Variants in MYO3B observed in about 807,000 individuals in gnomAD.
MYO3B encodes myosin-IIIb.
MYO3B carries 156 observed loss-of-function variants against 174.6 expected under a neutral mutation model. The observed-to-expected ratio is 0.89, with a 90% CI of 0.78 to 1.02. The LOEUF (loss-of-function observed/expected upper bound fraction) is 1.02. Ranked by LOEUF, MYO3B falls within the 50% of genes least tolerant of loss-of-function variation. The pLI is 0.00. For missense variants in MYO3B, 1,632 were observed against 1,639.4 expected, an observed-to-expected ratio of 1.00 and a Z score of 0.08; for synonymous variants, 563 against 569.1, an observed-to-expected ratio of 0.99 and a Z score of 0.15.
At chr2:170,545,563 A>G (rs548083316) in intron 32 of MYO3B, among the ~76,000 whole-genome samples, 5 of 152,374 alleles carry the variant, frequency 3.3e-5, no homozygotes, top group Admixed American at 2.6e-4. Context: ...GGAAGTAAAA[A>G]TACATTGCAT....
Position 170,249,533 on chromosome 2 carries a change from G to C in MYO3B, c.749+13397G>C, listed in dbSNP as rs1057401129. ...CAGGAGCATCTGAACCAATCCCTTG[G>C]AGTGCAGACAGAAAATATTAGAACT... On this transcript the variant is annotated intron_variant, in intron 7 of 34. Coordinates refer to ENST00000408978, the MANE Select transcript of MYO3B (RefSeq NM_138995.5). Among the ~76,000 whole-genome samples, 3 of 152,164 alleles carry C rather than the reference G, an allele frequency of 2.0e-5. No homozygotes were observed. The East Asian group carries it at 5.8e-4, about 29-fold the overall frequency.
chr2:170,204,570 A>C (rs1291832501), intron 3 of MYO3B, among the ~76,000 whole-genome samples: 1 of 152,234 alleles, frequency 6.6e-6, no homozygotes, highest in Non-Finnish European at 1.5e-5. Context: ...ATCAATATTC[A>C]ATGACGTTTT....
chr2:170,604,057 T>TATA (rs2106348126), intron 32 of MYO3B, among the ~76,000 whole-genome samples: 1 of 152,334 alleles, frequency 6.6e-6, no homozygotes, highest in South Asian at 2.1e-4. Context: ...ATAGCTTAGG[T>TATA]GTCTGATAGA....
intron 1 of MYO3B, among the ~76,000 whole-genome samples, chr2:170,182,305 T>C (rs2092410516): frequency 1.3e-5 from 2 of 152,126 alleles, no homozygotes; most frequent in Non-Finnish European, 2.9e-5. Flanking sequence ...AGGAATGAGG[T>C]AGCAATCTGG....
chr2:170,567,803 A>T (rs1692168457), intron 32 of MYO3B, among the ~76,000 whole-genome samples: 1 of 152,202 alleles, frequency 6.6e-6, no homozygotes. Flanking sequence ...ACAGACCCAA[A>T]TTCTGAAAAG....
chr2:170,648,420 A>G (rs1698543580), intron 32 of MYO3B, among the ~76,000 whole-genome samples: 1 of 151,970 alleles, frequency 6.6e-6, no homozygotes, highest in African/African-American at 2.4e-5. Flanking sequence ...ACTTGAGGTC[A>G]GGAGTTCGAG....
intron 7 of MYO3B, among the ~76,000 whole-genome samples, chr2:170,255,334 C>T (rs2093295325): frequency 7.8e-6 from 1 of 128,280 alleles, no homozygotes; most frequent in African/African-American, 3.7e-5. Context: ...ATCTCTTGTG[C>T]TCCTCCCCCC....
At chr2:170,487,227 C>A (rs759818366) in intron 25 of MYO3B, among the ~76,000 whole-genome samples, 2 of 152,238 alleles carry the variant, frequency 1.3e-5, no homozygotes, top group Admixed American at 6.5e-5. Context: ...TCATCACTAT[C>A]TTGGTTGCTT....
intron 32 of MYO3B, among the ~76,000 whole-genome samples, chr2:170,625,950 T>G (rs1025622604): frequency 2.0e-5 from 3 of 152,208 alleles, no homozygotes; most frequent in Non-Finnish European, 4.4e-5. Flanking sequence ...CTTTTACCTC[T>G]GCTGAGGAGT....
At position 170,363,310 on chromosome 2, in the gene MYO3B, T is replaced by C. The variant is rs11897867; in HGVS notation, c.816-5912T>C. Reference sequence around the variant, plus strand: ...CTCATGCTTTTCTTACCCAGTTTACTAGTATTTTTAGTTTTTGCCTTTTCA... The same window carrying C: ...CTCATGCTTTTCTTACCCAGTTTACCAGTATTTTTAGTTTTTGCCTTTTCA... On this transcript the variant is annotated intron_variant, in intron 8 of 34. Transcript: ENST00000408978. Among the ~76,000 whole-genome samples, 270 of 152,300 alleles carry C rather than the reference T, an allele frequency of 1.8e-3. 3 individuals carry two copies. The highest frequency in any genetic ancestry group is 6.3e-3 in the African/African-American group (263 of 41,564).
chr2:170,488,705 CATT>C (rs1436787681), intron 25 of MYO3B, among the ~76,000 whole-genome samples: 39 of 152,288 alleles, frequency 2.6e-4, no homozygotes, highest in African/African-American at 8.4e-4. Context: ...CAATTAGAAT[CATT>C]ATCAGGCTGG....
At chr2:170,588,660 C>T (rs143590267) in intron 32 of MYO3B, among the ~76,000 whole-genome samples, 2 of 152,276 alleles carry the variant, frequency 1.3e-5, no homozygotes, top group East Asian at 1.9e-4. Flanking sequence ...GGCATTTCTC[C>T]TTCCAAATAT....
intron 32 of MYO3B, among the ~76,000 whole-genome samples, chr2:170,651,411 A>G (rs1277104533): frequency 6.6e-6 from 1 of 152,216 alleles, no homozygotes; most frequent in Non-Finnish European, 1.5e-5. Flanking sequence ...CAGATCAGAA[A>G]GCTGAATGCA....
intron 32 of MYO3B, among the ~76,000 whole-genome samples, chr2:170,586,778 A>T (rs1484468599): frequency 6.6e-6 from 1 of 152,244 alleles, no homozygotes; most frequent in Non-Finnish European, 1.5e-5. Flanking sequence ...TTAATTACTG[A>T]TGGCTGGGAG....
intron 6 of MYO3B, among the ~76,000 whole-genome samples, chr2:170,230,463 G>A (rs987491894): frequency 6.7e-6 from 1 of 148,936 alleles, no homozygotes; most frequent in Non-Finnish European, 1.5e-5. Context: ...TTATAGGCGT[G>A]AGCCACCACA....
At chr2:170,370,022 A>G (rs2094228826) in intron 9 of MYO3B, among the ~76,000 whole-genome samples, 1 of 152,082 alleles carries the variant, frequency 6.6e-6, no homozygotes, top group African/African-American at 2.4e-5. Flanking sequence ...GTTTATTTTC[A>G]GGGGCAAGTG....
At chr2:170,190,411 G>C (rs1384822179) in intron 1 of MYO3B, among the ~76,000 whole-genome samples, 3 of 152,156 alleles carry the variant, frequency 2.0e-5, no homozygotes, top group African/African-American at 7.2e-5. Flanking sequence ...GATGAAGCCA[G>C]CTAGGTTTGT....
chr2:170,241,542 T>C (rs935050222), intron 7 of MYO3B, among the ~76,000 whole-genome samples: 1 of 152,214 alleles, frequency 6.6e-6, no homozygotes, highest in African/African-American at 2.4e-5. Context: ...GACAGAGTTT[T>C]TGCTGTCAAG....
chr2:170,403,519 A>G (rs1018678627), intron 19 of MYO3B, among the ~76,000 whole-genome samples: 3 of 152,170 alleles, frequency 2.0e-5, no homozygotes, highest in African/African-American at 7.2e-5. Context: ...AAACTAGTGG[A>G]CCCAAGGGAT....
Sources: gnomAD v4.1 joint callset for allele counts (sites outside exome capture counted in the v4.1 genomes callset) on GRCh38, gnomAD v4.1.1 for gene constraint, MANE v1.5 for transcripts, NCBI Gene and HGNC (gene_info 2026-07-23, HGNC 2026-07-21) for gene names.